Variants in DMD observed in about 807,000 individuals in gnomAD.
DMD encodes the protein mutant dystrophin.
A neutral mutation model predicts 330.1 loss-of-function variants in DMD; 63 were observed. That is an observed-to-expected ratio of 0.19 (90% CI 0.16 to 0.24). DMD has a LOEUF of 0.24. Ranked by LOEUF, DMD falls within the 10% of genes least tolerant of loss-of-function variation. DMD has a pLI of 1.00. For synonymous variants in DMD, 1,223 were observed against 959.8 expected, an observed-to-expected ratio of 1.27 and a Z score of -5.07; for missense variants, 3,344 against 2,684.1, an observed-to-expected ratio of 1.25 and a Z score of -5.43.
In DMD at chrX:31,348,708, C is replaced by A. The variant is rs1450752651; in HGVS notation, c.9085-74G>T. The A allele has an allele frequency of 9.9e-6, 9 of 906,036 alleles. No homozygotes were observed. In the Admixed American group the frequency reaches 1.0e-4, roughly 10 times the overall value. The allele number at this position is 906,036 out of a possible 1,213,427, so 74.7% of individuals were successfully genotyped here. A position where few individuals can be genotyped will look rare whatever the true frequency, so the allele number is the denominator to read the frequency against. ...GAACAATTAAAACAATGTATCCTTT[C>A]TGATAAGATACTTTGAGTCTCCAAG... On this transcript the variant is annotated intron_variant, in intron 60 of 78. Transcript: ENST00000357033.
At chrX:33,093,150 C>T (rs1003971909) in intron 1 of DMD, among the ~76,000 whole-genome samples, 8 of 112,252 alleles carry the variant, frequency 7.1e-5, no homozygotes, top group African/African-American at 2.3e-4. Flanking sequence ...GTTGGGATTA[C>T]AGGCGTGAGC....
intron 9 of DMD, among the ~76,000 whole-genome samples, chrX:32,662,888 T>A (rs1029856040): frequency 8.9e-6 from 1 of 112,007 alleles, no homozygotes; most frequent in Non-Finnish European, 1.9e-5. Flanking sequence ...TGTGGCAATT[T>A]TCCTTGAGTG....
At position 31,121,761 on chromosome X, in the gene DMD, C is replaced by G. The variant is rs1601930123; in HGVS notation, c.*158G>C. The G allele has an allele frequency of 1.8e-5, 14 of 782,540 alleles. No individual in the cohort carries two copies. The highest frequency in any genetic ancestry group is 2.6e-5 in the Non-Finnish European group (13 of 508,312). The allele number at this position is 782,540 out of a possible 1,213,427, so 64.5% of individuals were successfully genotyped here. On this transcript the variant is annotated 3_prime_UTR_variant, in exon 79 of 79. Coordinates refer to ENST00000357033, the MANE Select transcript of DMD (RefSeq NM_004006.3). ...AAAATATAGATTTATTTCTTGTAAACTCTTACTGTCTAATCCTCTTTGTTG... is the reference window on the plus strand; with the variant it reads ...AAAATATAGATTTATTTCTTGTAAAGTCTTACTGTCTAATCCTCTTTGTTG...
At chrX:32,852,315 A>G (rs2081202850) in intron 2 of DMD, among the ~76,000 whole-genome samples, 1 of 111,377 alleles carries the variant, frequency 9.0e-6, no homozygotes, top group Admixed American at 9.5e-5. Flanking sequence ...TACCTTGAAG[A>G]GAAGAATCCA....
chrX:33,002,695 G>C (rs1453872738), intron 2 of DMD, among the ~76,000 whole-genome samples: 1 of 109,409 alleles, frequency 9.1e-6, no homozygotes, highest in East Asian at 2.9e-4. Flanking sequence ...TGGGAGGTTT[G>C]CAAAGGGAGT....
chrX:32,431,358 T>C (rs1312882225), intron 29 of DMD, among the ~76,000 whole-genome samples: 1 of 111,840 alleles, frequency 8.9e-6, no homozygotes, highest in Non-Finnish European at 1.9e-5. Context: ...GTTGGCCATA[T>C]GTAGGTCTTC....
intron 7 of DMD, among the ~76,000 whole-genome samples, chrX:32,741,565 C>A (rs1258927430): frequency 9.0e-6 from 1 of 111,261 alleles, no homozygotes; most frequent in Non-Finnish European, 1.9e-5. Context: ...TTAATAGCTG[C>A]CTTAAGATAG....
At chrX:32,850,993 T>A (rs771921022) in intron 2 of DMD, among the ~76,000 whole-genome samples, 3 of 111,694 alleles carry the variant, frequency 2.7e-5, no homozygotes, top group African/African-American at 6.5e-5. Context: ...CATGTAACAG[T>A]GGGAGCTCTC....
intron 2 of DMD, among the ~76,000 whole-genome samples, chrX:32,941,576 C>G (rs1402556078): frequency 1.8e-5 from 2 of 111,391 alleles, no homozygotes; most frequent in Non-Finnish European, 3.8e-5. Context: ...ACCACATGTT[C>G]TCACTTGTAA....
Position 32,702,914 on chromosome X carries a change from C to T in DMD, c.650-3621G>A, listed in dbSNP as rs758252414. ...ACAATAAAACAAAGGAGGAAGAGGA[C>T]GAAAGAGGACACTGATTGTTCTGCA... On this transcript the variant is annotated intron_variant, in intron 7 of 78. Coordinates refer to ENST00000357033, the MANE Select transcript of DMD (RefSeq NM_004006.3). 2.0e-3 allele frequency among the ~76,000 whole-genome samples: 221 copies of T among 111,186 alleles called. 2 individuals carry two copies. The highest frequency in any genetic ancestry group is 6.9e-3 in the African/African-American group (210 of 30,618).
chrX:32,430,389 T>A (rs1419121012), intron 29 of DMD, among the ~76,000 whole-genome samples: 1 of 111,597 alleles, frequency 9.0e-6, no homozygotes, highest in Non-Finnish European at 1.9e-5. Flanking sequence ...TATTACTCCA[T>A]CTCCATTTCT....
At chrX:32,790,016 T>A (rs779973280) in intron 7 of DMD, among the ~76,000 whole-genome samples, 1 of 111,902 alleles carries the variant, frequency 8.9e-6, no homozygotes, top group Non-Finnish European at 1.9e-5. Context: ...ATTTAATAGT[T>A]GTAACAGTTT....
At chrX:31,247,720 A>C (rs944809302) in intron 63 of DMD, among the ~76,000 whole-genome samples, 1 of 111,476 alleles carries the variant, frequency 9.0e-6, no homozygotes, top group Non-Finnish European at 1.9e-5. Context: ...GTTGATTCCA[A>C]CCCTCATGGA....
At chrX:33,253,274 T>C (rs1233127050) in intron 1 of DMD, among the ~76,000 whole-genome samples, 1 of 111,484 alleles carries the variant, frequency 9.0e-6, no homozygotes, top group Non-Finnish European at 1.9e-5. Flanking sequence ...CAAATAATAA[T>C]TGGAACTTTG....
At chrX:32,031,006 A>G (rs1224539906) in intron 44 of DMD, among the ~76,000 whole-genome samples, 1 of 111,702 alleles carries the variant, frequency 9.0e-6, no homozygotes, top group African/African-American at 3.2e-5. Flanking sequence ...TATAGAGGGC[A>G]GTTGTGACAG....
At chrX:31,991,338 G>A (rs1951385896) in intron 44 of DMD, among the ~76,000 whole-genome samples, 1 of 111,387 alleles carries the variant, frequency 9.0e-6, no homozygotes, top group Non-Finnish European at 1.9e-5. Context: ...GACCAGACCA[G>A]TGGCAATTAC....
chrX:32,649,517 C>G (rs2059996992), intron 9 of DMD, among the ~76,000 whole-genome samples: 1 of 97,852 alleles, frequency 1.0e-5, no homozygotes, highest in South Asian at 4.9e-4. Flanking sequence ...GAAAGCGCCA[C>G]TGCACTCCGG....
chrX:31,713,747 A>C (rs2084815446), intron 52 of DMD, among the ~76,000 whole-genome samples: 1 of 111,820 alleles, frequency 8.9e-6, no homozygotes, highest in South Asian at 3.7e-4. Context: ...CACTGTAATG[A>C]AAGAGGCTGT....
intron 4 of DMD, among the ~76,000 whole-genome samples, chrX:32,843,989 TG>T (rs2080401822): frequency 8.9e-6 from 1 of 112,755 alleles, no homozygotes; most frequent in Non-Finnish European, 1.9e-5. Context: ...TTTATATGCT[TG>T]GAGACAGCGT....
Sources: allele counts gnomAD v4.1 joint callset (sites outside exome capture counted in the v4.1 genomes callset), GRCh38; gene constraint gnomAD v4.1.1; transcripts MANE v1.5; gene names NCBI Gene and HGNC (gene_info 2026-07-23, HGNC 2026-07-21).